Variants in RYR2 observed in about 807,000 individuals in gnomAD.
RYR2 encodes ryanodine receptor 2.
In RYR2, 227 loss-of-function variants were observed where a neutral mutation model predicts 601.1. That is an observed-to-expected ratio of 0.38 (90% confidence interval 0.34 to 0.42). The LOEUF is 0.42. Ranked by LOEUF, RYR2 falls within the 10% of genes least tolerant of loss-of-function variation. The pLI, the probability that RYR2 is intolerant of heterozygous loss-of-function variation, is 1.00. For synonymous variants in RYR2, 2,223 were observed against 2,175.1 expected, an observed-to-expected ratio of 1.02 and a Z score of -0.61; for missense variants, 4,646 against 6,156.5, an observed-to-expected ratio of 0.75 and a Z score of 8.21.
chr1:237,772,966 G>T (rs1327748661), intron 86 of RYR2, among the ~76,000 whole-genome samples: 1 of 152,036 alleles, frequency 6.6e-6, no homozygotes, highest in Admixed American at 6.6e-5. Flanking sequence ...AAATACATCT[G>T]GTTTATAGAG....
chr1:237,557,814 CTGGT>C (rs1671059064), intron 27 of RYR2, among the ~76,000 whole-genome samples: 1 of 152,022 alleles, frequency 6.6e-6, no homozygotes, highest in South Asian at 2.1e-4. Context: ...TACATACACA[CTGGT>C]TGGGAACACA....
At chr1:237,473,459 T>TTCTTTCTTTCTA (rs1450110678) in intron 17 of RYR2, among the ~76,000 whole-genome samples, 1 of 136,570 alleles carries the variant, frequency 7.3e-6, no homozygotes, top group African/African-American at 2.6e-5. Flanking sequence ...CTTTCTTTCT[T>TTCTTTCTTTCTA]TCTATCTATC....
intron 78 of RYR2, 65 bp from the exon 79 acceptor site, chr1:237,733,639 GA>G: frequency 1.0e-6 from 1 of 988,656 alleles, no homozygotes. Flanking sequence ...TTTAAGCAGC[GA>G]TGATACGTGT....
At chr1:237,506,854 C>A (rs759822047) in intron 23 of RYR2, 40 bp downstream of exon 23, 3 of 1,481,624 alleles carry the variant, frequency 2.0e-6, no homozygotes, top group Admixed American at 1.7e-5. Context: ...TCTGTGAATA[C>A]ATCTTTCTGA....
At chr1:237,101,313 A>AC (rs1423940448) in intron 1 of RYR2, among the ~76,000 whole-genome samples, 46 of 140,542 alleles carry the variant, frequency 3.3e-4, no homozygotes, top group Non-Finnish European at 5.0e-4. Flanking sequence ...AAAAAAAAAA[A>AC]AAAAAAAAAA....
chr1:237,269,335 G>T (rs193018817), intron 1 of RYR2, among the ~76,000 whole-genome samples: 1 of 151,278 alleles, frequency 6.6e-6, no homozygotes, highest in Non-Finnish European at 1.5e-5. Flanking sequence ...GAGCCACCGC[G>T]CCCGGCCATA....
At chr1:237,193,628 G>A (rs1439652332) in intron 1 of RYR2, among the ~76,000 whole-genome samples, 4 of 152,128 alleles carry the variant, frequency 2.6e-5, no homozygotes. Flanking sequence ...TTTTTTTGAA[G>A]GGGTGAGGGG....
intron 79 of RYR2, among the ~76,000 whole-genome samples, chr1:237,741,242 A>T (rs1019335933): frequency 6.6e-6 from 1 of 152,216 alleles, no homozygotes; most frequent in African/African-American, 2.4e-5. Flanking sequence ...AAAGAATATG[A>T]CAAACCTTTT....
intron 12 of RYR2, among the ~76,000 whole-genome samples, chr1:237,438,684 GA>G (rs1282271312): frequency 1.3e-5 from 2 of 152,208 alleles, no homozygotes; most frequent in Non-Finnish European, 2.9e-5. Flanking sequence ...TGTGGTCCCT[GA>G]AGCATATCCT....
At chr1:237,148,551 T>TAC (rs1558320202) in intron 1 of RYR2, among the ~76,000 whole-genome samples, 18 of 126,480 alleles carry the variant, frequency 1.4e-4, no homozygotes, top group African/African-American at 4.9e-4. Context: ...TATATATATA[T>TAC]ATACACACAC....
chr1:237,812,893 AGTTT>A (rs1483961553), intron 100 of RYR2, among the ~76,000 whole-genome samples: 1 of 79,026 alleles, frequency 1.3e-5, no homozygotes, highest in Non-Finnish European at 2.4e-5. Flanking sequence ...AAAATGTATA[AGTTT>A]TTTTTTTTTT....
chr1:237,576,207 T>G (rs891297732), intron 29 of RYR2, among the ~76,000 whole-genome samples: 1 of 152,204 alleles, frequency 6.6e-6, no homozygotes, highest in Non-Finnish European at 1.5e-5. Flanking sequence ...AATCCGTCGA[T>G]CAGACTTTTC....
At chr1:237,808,648 C>G (rs1312663597) in intron 99 of RYR2, among the ~76,000 whole-genome samples, 3 of 126,570 alleles carry the variant, frequency 2.4e-5, no homozygotes, top group Non-Finnish European at 4.8e-5. Flanking sequence ...GACAGAAACT[C>G]TGTCTCAAAA....
rs546851114 is a variant in RYR2, at chr1:237,129,301, A to G, written c.48+86732A>G. On this transcript the variant is annotated intron_variant, in intron 1 of 104. Transcript: ENST00000366574. The stretch of plus-strand genomic sequence containing the variant: ...TGTATTGATGGACTAGGCATTTTGG[A>G]CACATATTCCTGTTGAAGGCAACCA... 2.0e-5 allele frequency among the ~76,000 whole-genome samples: 3 copies of G among 152,322 alleles called. No homozygotes were observed. The East Asian group carries it at 5.8e-4, about 29-fold the overall frequency.
chr1:237,238,899 A>G (rs1355069130), intron 1 of RYR2, among the ~76,000 whole-genome samples: 1 of 148,810 alleles, frequency 6.7e-6, no homozygotes, highest in East Asian at 1.9e-4. Context: ...GAACCCAATT[A>G]GTATGAGTTA....
chr1:237,700,976 T>C (rs1187424077), intron 65 of RYR2, among the ~76,000 whole-genome samples: 1 of 152,202 alleles, frequency 6.6e-6, no homozygotes, highest in Non-Finnish European at 1.5e-5. Flanking sequence ...AGCTTTAATC[T>C]TCTGTTTTGG....
intron 1 of RYR2, among the ~76,000 whole-genome samples, chr1:237,188,892 A>C (rs780416959): frequency 7.9e-5 from 12 of 152,110 alleles, no homozygotes; most frequent in Non-Finnish European, 1.8e-4. Flanking sequence ...TATTGTGATA[A>C]AAACATAAAA....
chr1:237,671,298 G>T (rs1207113982), intron 58 of RYR2, among the ~76,000 whole-genome samples: 1 of 152,184 alleles, frequency 6.6e-6, no homozygotes, highest in African/African-American at 2.4e-5. Context: ...GGGCATAGAA[G>T]ATAGGTTACA....
Position 237,711,266 on chromosome 1 carries a change from T to G in RYR2, c.10231-479T>G, listed in dbSNP as rs189179982. On this transcript the variant is annotated intron_variant, in intron 70 of 104. Coordinates refer to ENST00000366574, the MANE Select transcript of RYR2 (RefSeq NM_001035.3). ...AATGTGTTATGTTTTTCCCCAAATA[T>G]TTAAAGATAAATTGATTTTGCCAGT... 4.6e-5 allele frequency among the ~76,000 whole-genome samples: 7 copies of G among 152,286 alleles called. No individual in the cohort carries two copies. The East Asian group carries it at 1.4e-3, about 29-fold the overall frequency.
Sources: allele counts gnomAD v4.1 joint callset (sites outside exome capture counted in the v4.1 genomes callset), GRCh38; gene constraint gnomAD v4.1.1; transcripts MANE v1.5; gene names NCBI Gene and HGNC (gene_info 2026-07-23, HGNC 2026-07-21).